The following TENM2 variants were observed in gnomAD, a reference collection of about 807,000 sequenced individuals.
TENM2 encodes teneurin transmembrane protein 2.
A neutral mutation model predicts 245.2 loss-of-function variants in TENM2; 52 were observed. The ratio of observed to expected loss-of-function variants is 0.21; its 90% CI spans 0.17 to 0.27. The LOEUF (loss-of-function observed/expected upper bound fraction) is 0.27. Ranked by LOEUF, TENM2 falls within the 10% of genes least tolerant of loss-of-function variation. The pLI is 1.00. For synonymous variants in TENM2, 1,363 were observed against 1,438.9 expected, an observed-to-expected ratio of 0.95 and a Z score of 1.19; for missense variants, 3,046 against 3,666.8, an observed-to-expected ratio of 0.83 and a Z score of 4.37.
chr5:167,552,859 A>G (rs1773043322), intron 2 of TENM2, among the ~76,000 whole-genome samples: 1 of 152,232 alleles, frequency 6.6e-6, no homozygotes, highest in African/African-American at 2.4e-5. Flanking sequence ...ACAAATACTT[A>G]GTAAACACCT....
chr5:167,113,658 A>T, the TENM2 span, among the ~76,000 whole-genome samples: 1 of 151,524 alleles, frequency 6.6e-6, no homozygotes, highest in East Asian at 1.9e-4. Flanking sequence ...AAAAAAAAAA[A>T]ATGTTAAATA....
intron 2 of TENM2, among the ~76,000 whole-genome samples, chr5:167,842,283 C>A (rs1461919202): frequency 5.3e-5 from 8 of 151,812 alleles, no homozygotes; most frequent in African/African-American, 1.7e-4. Flanking sequence ...AACAAAAAAA[C>A]AAAACAAAAC....
exon 25 of TENM2, chr5:168,228,074 C>T (rs1318739131): frequency 2.5e-6 from 4 of 1,613,666 alleles, no homozygotes; most frequent in Admixed American, 1.7e-5. Context: ...CATTGAGTGG[C>T]GCCTAAGAAA....
rs187518720 is a variant in TENM2 at position 168,234,972 on chromosome 5, G to A, written c.5520+6842G>A. ...ATAATTAATATGACATTGCAATTAC[G>A]TGTTGGCATGTGTTACTTTTACTTA... On this transcript the variant is annotated intron_variant, in intron 25 of 28. Transcript: ENST00000518659. Among the ~76,000 whole-genome samples, 208 of 152,238 alleles carry A rather than the reference G, an allele frequency of 1.4e-3. 2 individuals are homozygous for A. The highest frequency in any genetic ancestry group is 0.012 in the Admixed American group (181 of 15,300).
exon 2 of TENM2, chr5:167,375,327 C>T: frequency 1.3e-6 from 2 of 1,551,680 alleles, no homozygotes; most frequent in Non-Finnish European, 1.7e-6. Context: ...GACTCCGACA[C>T]CGAGGGAGGG....
chr5:168,065,324 A>T (rs1790400018), intron 7 of TENM2, among the ~76,000 whole-genome samples: 1 of 152,164 alleles, frequency 6.6e-6, no homozygotes, highest in South Asian at 2.1e-4. Context: ...TTTTATAGAG[A>T]TACAGAGACA....
chr5:167,099,563 C>T, the TENM2 span, among the ~76,000 whole-genome samples: 21 of 152,014 alleles, frequency 1.4e-4, no homozygotes, highest in East Asian at 3.9e-4. Context: ...GGCATGGTGG[C>T]GCATGCCTGT....
At chr5:167,060,065 A>T in the TENM2 span, among the ~76,000 whole-genome samples, 9 of 152,272 alleles carry the variant, frequency 5.9e-5, no homozygotes, top group South Asian at 6.2e-4. Flanking sequence ...TAAATTAAAA[A>T]CTTTTTAATT....
chr5:167,689,289 C>T (rs913490158), intron 2 of TENM2, among the ~76,000 whole-genome samples: 2 of 152,152 alleles, frequency 1.3e-5, no homozygotes, highest in East Asian at 1.9e-4. Flanking sequence ...TCAGCCAGGA[C>T]GCTGGGGGGT....
intron 5 of TENM2, among the ~76,000 whole-genome samples, chr5:168,030,664 A>C (rs893424916): frequency 6.6e-6 from 1 of 152,136 alleles, no homozygotes; most frequent in African/African-American, 2.4e-5. Flanking sequence ...AACCTAGCAC[A>C]ACACCAGGCA....
At chr5:168,228,273 A>AAAGC in intron 25 of TENM2, 143 bp downstream of exon 27, 1 of 474,410 alleles carries the variant, frequency 2.1e-6, no homozygotes, top group Non-Finnish European at 3.2e-6. Context: ...TCCCAGCTTC[A>AAAGC]AAGCCTCTAA....
chr5:166,985,284 A>G, the TENM2 span, among the ~76,000 whole-genome samples: 2 of 152,162 alleles, frequency 1.3e-5, no homozygotes, highest in African/African-American at 2.4e-5. Context: ...CACTACTGGC[A>G]TGGATTCAAC....
At chr5:167,728,380 A>T (rs1760176686) in intron 2 of TENM2, among the ~76,000 whole-genome samples, 1 of 152,054 alleles carries the variant, frequency 6.6e-6, no homozygotes, top group South Asian at 2.1e-4. Context: ...AGGTGAGAGG[A>T]TCCCTTGAGG....
At chr5:167,127,614 CTTT>C in the TENM2 span, among the ~76,000 whole-genome samples, 8 of 116,812 alleles carry the variant, frequency 6.8e-5, no homozygotes, top group African/African-American at 2.7e-4. Context: ...AGAATACAAG[CTTT>C]TTTTTTTTTT....
chr5:166,995,843 T>A, the TENM2 span, among the ~76,000 whole-genome samples: 1,340 of 126,474 alleles, frequency 0.011, 15 homozygotes, highest in African/African-American at 0.019. Flanking sequence ...AAAAAAAAAA[T>A]TTCTGTTCTC....
At chr5:167,201,504 A>G in the TENM2 span, among the ~76,000 whole-genome samples, 1 of 152,200 alleles carries the variant, frequency 6.6e-6, no homozygotes, top group Non-Finnish European at 1.5e-5. Context: ...TAACTTGAAC[A>G]AATGGTGATT....
intron 4 of TENM2, among the ~76,000 whole-genome samples, chr5:167,959,081 AT>A (rs1292369823): frequency 1.3e-5 from 2 of 152,004 alleles, no homozygotes; most frequent in African/African-American, 4.8e-5. Flanking sequence ...GTGTTTTCCA[AT>A]TTGGTTCCAT....
chr5:167,383,909 A>G (rs922168283), intron 2 of TENM2, among the ~76,000 whole-genome samples: 1 of 152,172 alleles, frequency 6.6e-6, no homozygotes, highest in Non-Finnish European at 1.5e-5. Flanking sequence ...AGAAATGTAT[A>G]CATTGGAGAT....
At chr5:167,217,600 G>A in the TENM2 span, among the ~76,000 whole-genome samples, 1 of 151,736 alleles carries the variant, frequency 6.6e-6, no homozygotes. Context: ...TCTTCCTGCA[G>A]ATTCCTAGCG....
Sources: allele counts gnomAD v4.1 joint callset (sites outside exome capture counted in the v4.1 genomes callset), GRCh38; gene constraint gnomAD v4.1.1; transcripts MANE v1.5; gene names NCBI Gene and HGNC (gene_info 2026-07-23, HGNC 2026-07-21).